PKP2: variants seen among roughly 807,000 people sequenced by gnomAD.
PKP2 encodes plakophilin 2, also known as plakophilin-2.
A neutral mutation model predicts 83.4 loss-of-function variants in PKP2; 73 were observed. The observed-to-expected ratio is 0.88, with a 90% CI of 0.72 to 1.06. The LOEUF (loss-of-function observed/expected upper bound fraction) is 1.06, where lower values mean the gene tolerates loss of function less well. PKP2 is among the 50% of genes least tolerant of loss of function. The pLI is 0.00. For synonymous variants in PKP2, 409 were observed against 430.4 expected (o/e 0.95, Z 0.62); for missense variants, 966 against 1,065.4 (o/e 0.91, Z 1.30).
chr12:32,853,579 T>C (rs1218848497), intron 4 of PKP2, among the ~76,000 whole-genome samples: 1 of 150,984 alleles, frequency 6.6e-6, no homozygotes, highest in African/African-American at 2.4e-5. Context: ...CGATCTTGGC[T>C]CACTGCAATC....
At chr12:32,834,556 T>C (rs1956528163) in intron 6 of PKP2, among the ~76,000 whole-genome samples, 1 of 152,130 alleles carries the variant, frequency 6.6e-6, no homozygotes, top group Non-Finnish European at 1.5e-5. Flanking sequence ...GGCAAGTGTT[T>C]TTTCCCTTCT....
chr12:32,896,513 G>A lies in PKP2; in HGVS notation c.219C>T (p.Gly73=). ...TLARKGRSSV[G]NGNLHRTSSV... ...GGAGCGGCGGGCTCCACTCACCGTTGCCCACGGAGCTGCGGCCCTTCCGGG... is the reference window on the plus strand; with the variant it reads ...GGAGCGGCGGGCTCCACTCACCGTTACCCACGGAGCTGCGGCCCTTCCGGG... Residue 73 remains glycine, a synonymous_variant, in exon 1 of 13, where the codon GGC becomes GGT. Coordinates refer to ENST00000340811, the MANE Select transcript of PKP2 (RefSeq NM_001005242.3). 6.6e-7 allele frequency: 1 copy of A among 1,526,212 alleles called. No individual in the cohort carries two copies. The highest frequency in any genetic ancestry group is 8.8e-7 in the Non-Finnish European group (1 of 1,141,014). The allele number at this position is 1,526,212 out of a possible 1,614,324, so 94.5% of individuals were successfully genotyped here.
chr12:32,830,005 C>T (rs530197807), intron 6 of PKP2, among the ~76,000 whole-genome samples: 1 of 152,140 alleles, frequency 6.6e-6, no homozygotes, highest in Non-Finnish European at 1.5e-5. Flanking sequence ...AGATAGTGAT[C>T]ACCTCAATGG....
chr12:32,846,121 T>C (rs1392654412), intron 5 of PKP2, among the ~76,000 whole-genome samples: 1 of 152,158 alleles, frequency 6.6e-6, no homozygotes, highest in Admixed American at 6.5e-5. Flanking sequence ...CCTGACTCTT[T>C]CATATGTAAT....
intron 3 of PKP2, among the ~76,000 whole-genome samples, chr12:32,875,136 C>A (rs1956921566): frequency 6.6e-6 from 1 of 152,146 alleles, no homozygotes; most frequent in Non-Finnish European, 1.5e-5. Context: ...TCACAAAAAT[C>A]TCAAAGTCCA....
chr12:32,866,313 G>C (rs1204594262), intron 4 of PKP2, among the ~76,000 whole-genome samples: 1 of 152,084 alleles, frequency 6.6e-6, no homozygotes, highest in African/African-American at 2.4e-5. Flanking sequence ...ATCACTTTGG[G>C]AGGCCAAGGT....
intron 3 of PKP2, among the ~76,000 whole-genome samples, chr12:32,873,569 G>A (rs1044435322): frequency 2.0e-5 from 3 of 151,748 alleles, no homozygotes; most frequent in African/African-American, 4.8e-5. Flanking sequence ...TTGCTCCTTC[G>A]CCCAGGCTGG....
chr12:32,858,138 A>ATT lies in PKP2; in HGVS notation c.1171-7166_1171-7165insAA, dbSNP rs3044534. Reference sequence around the variant, plus strand: ...ATATTTATATATATTTTATATTTATATATATATATATATAAATATATATAA... The same window carrying ATT: ...ATATTTATATATATTTTATATTTATATTTATATATATATATAAATATATATAA... On this transcript the variant is annotated intron_variant, in intron 4 of 12. Coordinates refer to ENST00000340811, the MANE Select transcript of PKP2 (RefSeq NM_001005242.3). Among the ~76,000 whole-genome samples the ATT allele has an allele frequency of 4.2e-3, 401 of 96,544 alleles. 7 individuals are homozygous for ATT. The highest frequency in any genetic ancestry group is 0.02 in the African/African-American group (391 of 19,592). The allele number at this position is 96,544 out of a possible 152,430, so 63.3% of individuals were successfully genotyped here. A position where few individuals can be genotyped will look rare whatever the true frequency, so the allele number is the denominator to read the frequency against.
chr12:32,858,805 T>C (rs530393713), intron 4 of PKP2, among the ~76,000 whole-genome samples: 51 of 152,270 alleles, frequency 3.3e-4, no homozygotes, highest in Non-Finnish European at 6.3e-4. Context: ...GGATTAAAAA[T>C]GACAATTCAC....
At chr12:32,811,631 T>C (rs1321912740) in intron 9 of PKP2, among the ~76,000 whole-genome samples, 3 of 152,230 alleles carry the variant, frequency 2.0e-5, no homozygotes, top group African/African-American at 7.2e-5. Flanking sequence ...CGTGGACAGA[T>C]CCGCACTTTC....
intron 1 of PKP2, among the ~76,000 whole-genome samples, chr12:32,890,504 A>C (rs576752922): frequency 2.0e-5 from 3 of 152,356 alleles, no homozygotes; most frequent in African/African-American, 7.2e-5. Context: ...TTTAATAGTA[A>C]TGGCAGGTTG....
chr12:32,872,066 AG>A (rs1246383678), intron 3 of PKP2, among the ~76,000 whole-genome samples: 1 of 152,170 alleles, frequency 6.6e-6, no homozygotes, highest in African/African-American at 2.4e-5. Flanking sequence ...CCTGGGCTGG[AG>A]GATCAGGAAG....
chr12:32,841,251 A>C (rs1272220330), intron 5 of PKP2, 46 bp from the exon 6 acceptor site: 1 of 1,511,806 alleles, frequency 6.6e-7, no homozygotes, highest in Non-Finnish European at 9.2e-7. Flanking sequence ...GGGTGGGACC[A>C]AAATGACCGC....
At chr12:32,831,569 C>T (rs2137805420) in intron 6 of PKP2, among the ~76,000 whole-genome samples, 1 of 151,644 alleles carries the variant, frequency 6.6e-6, no homozygotes, top group East Asian at 1.9e-4. Context: ...CAAAAAGAGT[C>T]CACTTGATAT....
intron 10 of PKP2, among the ~76,000 whole-genome samples, chr12:32,797,986 G>A (rs890976151): frequency 3.3e-5 from 5 of 151,784 alleles, no homozygotes; most frequent in East Asian, 3.9e-4. Context: ...ATGAGACCCC[G>A]TCTCTATTTT....
At chr12:32,819,890 C>A (rs35113100) in intron 9 of PKP2, among the ~76,000 whole-genome samples, 2 of 90,328 alleles carry the variant, frequency 2.2e-5, no homozygotes, top group Non-Finnish European at 5.2e-5. Flanking sequence ...ACACAACCCC[C>A]CCCCCCCCAT....
chr12:32,883,248 T>C (rs1248536290), intron 1 of PKP2, among the ~76,000 whole-genome samples: 2 of 152,188 alleles, frequency 1.3e-5, no homozygotes, highest in Admixed American at 6.5e-5. Flanking sequence ...CAATCGATGG[T>C]TTTTCTGGAT....
chr12:32,857,087 G>A (rs1462045415), intron 4 of PKP2, among the ~76,000 whole-genome samples: 2 of 152,144 alleles, frequency 1.3e-5, no homozygotes, highest in African/African-American at 4.8e-5. Context: ...AGCCCAACAG[G>A]ACAGAGGGAG....
intron 7 of PKP2, 55 bp from the exon 8 acceptor site, chr12:32,822,686 G>T: frequency 6.4e-7 from 1 of 1,572,372 alleles, no homozygotes; most frequent in Non-Finnish European, 8.7e-7. Context: ...CCTTGCAGGT[G>T]TGATATCACA....
Sources: gnomAD v4.1 joint callset for allele counts (sites outside exome capture counted in the v4.1 genomes callset) on GRCh38, gnomAD v4.1.1 for gene constraint, MANE v1.5 for transcripts, NCBI Gene and HGNC (gene_info 2026-07-23, HGNC 2026-07-21) for gene names.